The following TSHZ2 variants were observed in gnomAD, a reference collection of about 807,000 sequenced individuals.
TSHZ2 encodes the protein teashirt zinc finger homeobox 2.
Under a neutral mutation model 74.4 loss-of-function variants are expected in TSHZ2, and 21 were observed. The ratio of observed to expected loss-of-function variants is 0.28; its 90% CI spans 0.20 to 0.41. The LOEUF (loss-of-function observed/expected upper bound fraction) is 0.41, where lower values mean the gene tolerates loss of function less well. TSHZ2 is among the 10% of genes least tolerant of loss of function. The pLI is 1.00. For synonymous variants in TSHZ2, 540 were observed against 515.3 expected (o/e 1.05, Z -0.65); for missense variants, 1,244 against 1,293.5 (o/e 0.96, Z 0.59).
At chr20:53,055,561 G>T (rs1984612837) in intron 1 of TSHZ2, among the ~76,000 whole-genome samples, 1 of 152,014 alleles carries the variant, frequency 6.6e-6, no homozygotes, top group African/African-American at 2.4e-5. Context: ...AGTACCCAGA[G>T]GTAATGAATC....
At chr20:53,270,682 T>G (rs1196424769) in intron 2 of TSHZ2, among the ~76,000 whole-genome samples, 1 of 152,108 alleles carries the variant, frequency 6.6e-6, no homozygotes, top group Non-Finnish European at 1.5e-5. Flanking sequence ...AAAAAAAGCT[T>G]AAATATCCCC....
Position 53,405,217 on chromosome 20 carries a change from C to A in TSHZ2, c.*9-81927C>A, listed in dbSNP as rs139322106. Among the ~76,000 whole-genome samples the A allele has an allele frequency of 4.1e-3, 608 of 148,694 alleles. 6 individuals carry two copies. The highest frequency in any genetic ancestry group is 0.015 in the African/African-American group (587 of 38,982). ...TGAGCTGAGATTGCACCATGGCACT[C>A]CAGCCTGGGCAGCAGAGCAAGACTC... On this transcript the variant is annotated intron_variant, in intron 2 of 2. Transcript: ENST00000371497.
Position 53,002,743 on chromosome 20 carries a change from T to C in TSHZ2, c.40+29410T>C, listed in dbSNP as rs562279668. 2.5e-4 allele frequency among the ~76,000 whole-genome samples: 38 copies of C among 152,304 alleles called. No individual in the cohort carries two copies. In the South Asian group the frequency reaches 6.9e-3, roughly 27 times the overall value. ...AGTATAAGGATGTCCAGTACAGTAT[T>C]TGGGACCTACGGGCAAGCTTTAAAG... On this transcript the variant is annotated intron_variant, in intron 1 of 2. Transcript: ENST00000371497.
intron 1 of TSHZ2, among the ~76,000 whole-genome samples, chr20:53,133,030 A>G (rs183371990): frequency 1.8e-4 from 27 of 152,202 alleles, no homozygotes; most frequent in Admixed American, 8.5e-4. Context: ...TAAGTTACAA[A>G]AGCAGTAATA....
chr20:53,239,725 A>G (rs1197655471), intron 1 of TSHZ2, among the ~76,000 whole-genome samples: 1 of 152,192 alleles, frequency 6.6e-6, no homozygotes, highest in African/African-American at 2.4e-5. Flanking sequence ...ATAGCAAAAA[A>G]TTACCTCATA....
At chr20:52,982,034 T>C (rs1981586877) in intron 1 of TSHZ2, among the ~76,000 whole-genome samples, 2 of 152,140 alleles carry the variant, frequency 1.3e-5, no homozygotes, top group South Asian at 4.2e-4. Context: ...GAAAAAAAGC[T>C]TCATGATGGC....
chr20:53,122,300 AAAAG>A (rs200784987), intron 1 of TSHZ2, among the ~76,000 whole-genome samples: 39,882 of 145,354 alleles, frequency 0.27, 5,657 homozygotes, highest in East Asian at 0.43. Flanking sequence ...AAAAAAAAAA[AAAAG>A]AAAGAAAACA....
At chr20:53,007,299 C>T (rs148160446) in intron 1 of TSHZ2, among the ~76,000 whole-genome samples, 2 of 152,186 alleles carry the variant, frequency 1.3e-5, no homozygotes, top group East Asian at 1.9e-4. Context: ...TTGGCACGAT[C>T]GGCTCCAGTG....
chr20:53,061,186 C>T (rs766634365), intron 1 of TSHZ2, among the ~76,000 whole-genome samples: 18 of 152,064 alleles, frequency 1.2e-4, no homozygotes, highest in Non-Finnish European at 2.1e-4. Context: ...ATTTTGAACG[C>T]CAGAAATGAC....
At chr20:53,242,264 A>C (rs1990087759) in intron 1 of TSHZ2, among the ~76,000 whole-genome samples, 1 of 152,070 alleles carries the variant, frequency 6.6e-6, no homozygotes, top group Non-Finnish European at 1.5e-5. Context: ...TAGGTATAGC[A>C]ACCAAAAATG....
chr20:53,139,184 C>T (rs184944837), intron 1 of TSHZ2, among the ~76,000 whole-genome samples: 23 of 152,338 alleles, frequency 1.5e-4, no homozygotes, highest in Non-Finnish European at 3.4e-4. Flanking sequence ...CTTACTATAA[C>T]TGCTTGCTCT....
At position 53,488,836 on chromosome 20, in the gene TSHZ2, A is replaced by G. The variant is rs939368296; in HGVS notation, c.*1701A>G. ...GATCCCTAAATTCAACATTGGGATTAAAAAAAAAAAAAAACTTCTTATTTA... is the reference window on the plus strand; with the variant it reads ...GATCCCTAAATTCAACATTGGGATTGAAAAAAAAAAAAAACTTCTTATTTA... On this transcript the variant is annotated 3_prime_UTR_variant, in exon 3 of 3. Coordinates refer to ENST00000371497, the MANE Select transcript of TSHZ2 (RefSeq NM_173485.6). 2.7e-5 allele frequency: 3 copies of G among 109,916 alleles called. No homozygotes were observed. Among genetic ancestry groups the G allele is most frequent in the Admixed American group, 1.1e-4 (1 of 9,476 alleles). The allele number at this position is 109,916 out of a possible 1,614,324, so 6.8% of individuals were successfully genotyped here.
intron 1 of TSHZ2, among the ~76,000 whole-genome samples, chr20:53,217,135 C>A (rs893246285): frequency 6.6e-6 from 1 of 152,178 alleles, no homozygotes; most frequent in African/African-American, 2.4e-5. Flanking sequence ...AGTAATTGCT[C>A]GCTGTCAGGC....
intron 1 of TSHZ2, among the ~76,000 whole-genome samples, chr20:52,998,924 G>C (rs1300902164): frequency 6.6e-6 from 1 of 152,190 alleles, no homozygotes; most frequent in Non-Finnish European, 1.5e-5. Flanking sequence ...AATTCCAGGT[G>C]ATGAGAAAAT....
chr20:53,205,904 G>C (rs866614532), intron 1 of TSHZ2, among the ~76,000 whole-genome samples: 2 of 152,128 alleles, frequency 1.3e-5, no homozygotes, highest in South Asian at 4.1e-4. Flanking sequence ...ATTCTTTAAG[G>C]CTTAGTTCCC....
intron 1 of TSHZ2, among the ~76,000 whole-genome samples, chr20:52,980,801 T>C (rs1254842298): frequency 6.6e-6 from 1 of 152,188 alleles, no homozygotes; most frequent in Non-Finnish European, 1.5e-5. Context: ...CAAGGTCTTC[T>C]ATAGGGGAAA....
At chr20:53,224,606 T>C (rs1989638008) in intron 1 of TSHZ2, among the ~76,000 whole-genome samples, 4 of 152,096 alleles carry the variant, frequency 2.6e-5, no homozygotes, top group Middle Eastern at 3.2e-3. Context: ...TCCCAGCACT[T>C]TGGGAGGCTG....
chr20:53,187,244 A>G (rs867753078), intron 1 of TSHZ2, among the ~76,000 whole-genome samples: 1 of 152,186 alleles, frequency 6.6e-6, no homozygotes, highest in Admixed American at 6.5e-5. Flanking sequence ...ACATTGCAGT[A>G]TTATGAGAAT....
chr20:53,469,598 ACCCAAGAAAGATAGATAGAGAGGG>A lies in TSHZ2; in HGVS notation c.*9-17545_*9-17522del, dbSNP rs1568931847. Among the ~76,000 whole-genome samples the A allele has an allele frequency of 6.0e-4, 37 of 61,790 alleles. 3 individuals carry two copies. Among genetic ancestry groups the A allele is most frequent in the African/African-American group, 2.2e-3 (36 of 16,006 alleles). The allele number at this position is 61,790 out of a possible 152,430, so 40.5% of individuals were successfully genotyped here. A position where few individuals can be genotyped will look rare whatever the true frequency, so the allele number is the denominator to read the frequency against. On this transcript the variant is annotated intron_variant, in intron 2 of 2. Transcript: ENST00000371497. ...GAAGGAAGGAAGGAAGGAAGGAAGG[ACCCAAGAAAGATAGATAGAGAGGG>A]AGGAAGGGAGGGAGGAAGGAAGGAA...
Sources: allele counts gnomAD v4.1 joint callset (sites outside exome capture counted in the v4.1 genomes callset), GRCh38; gene constraint gnomAD v4.1.1; transcripts MANE v1.5; gene names NCBI Gene and HGNC (gene_info 2026-07-23, HGNC 2026-07-21).